KHSRP: variants seen among roughly 807,000 people sequenced by gnomAD.
KHSRP encodes far upstream element-binding protein 2.
A neutral mutation model predicts 94.9 loss-of-function variants in KHSRP; 13 were observed. The observed-to-expected ratio is 0.14, with a 90% CI of 0.09 to 0.22. The LOEUF (loss-of-function observed/expected upper bound fraction) is 0.22. Ranked by LOEUF, KHSRP falls within the 10% of genes least tolerant of loss-of-function variation. The pLI is 1.00. For missense variants in KHSRP, 710 were observed against 1,010.0 expected (o/e 0.70, Z 4.03); for synonymous variants, 495 against 401.4 (o/e 1.23, Z -2.79).
rs376402652 is a variant in KHSRP at position 6,417,999 on chromosome 19, C to A, written c.960G>T (p.Arg320=). 6.8e-5 allele frequency: 110 copies of A among 1,613,992 alleles called. No homozygotes were observed. The African/African-American group carries it at 1.4e-3, about 20-fold the overall frequency. ...GFGDRNEYGS[R]IGGGIDVPVP... ...CACTCACATCGATGCCTCCGCCAAT[C>A]CGAGATCCGTACTCATTCCGGTCCC... Residue 320 remains arginine, a synonymous_variant, in exon 10 of 19, where the codon CGG becomes CGT. Coordinates refer to ENST00000600480, the MANE Select transcript of KHSRP (RefSeq NM_001366299.1).
At chr19:6,423,519 C>CT (rs1287788518) in intron 1 of KHSRP, among the ~76,000 whole-genome samples, 1 of 152,240 alleles carries the variant, frequency 6.6e-6, no homozygotes, top group Admixed American at 6.5e-5. Context: ...ACAGCACCAG[C>CT]TTCCTCCCTT....
At position 6,413,964 on chromosome 19, in the gene KHSRP, T is replaced by TCC. The variant is rs2092120432; in HGVS notation, c.*1058_*1059dup. ...AGTGAGGGCCCGGCATGCCCCCAAGTCCCCCCCACCCTGCTTGCCGCGAGG... is the reference window on the plus strand; with the variant it reads ...AGTGAGGGCCCGGCATGCCCCCAAGTCCCCCCCCCACCCTGCTTGCCGCGAGG... On this transcript the variant is annotated 3_prime_UTR_variant, in exon 19 of 19. Transcript: ENST00000600480. 3 of 771,900 alleles carry TCC rather than the reference T, an allele frequency of 3.9e-6. No individual in the cohort carries two copies. Among genetic ancestry groups the TCC allele is most frequent in the Non-Finnish European group, 5.7e-6 (3 of 523,426 alleles). 47.8% of individuals were successfully genotyped at this position (771,900 alleles called of 1,614,324 possible). A position where few individuals can be genotyped will look rare whatever the true frequency, so the allele number is the denominator to read the frequency against.
In KHSRP at chr19:6,420,412, C is replaced by A. The variant is rs1178266149; in HGVS notation, c.475+10G>T. 1 of 1,613,566 alleles carries A rather than the reference C, an allele frequency of 6.2e-7. No homozygotes were observed. Among genetic ancestry groups the A allele is most frequent in the African/African-American group, 1.3e-5 (1 of 74,938 alleles). ...AGTGGGCCTCCCCACCCAAGGTGAC[C>A]CACACTCACTCAGGCCCACCATGCC... On this transcript the variant is annotated intron_variant, in intron 5 of 18. Transcript: ENST00000600480.
At position 6,417,957 on chromosome 19, in the gene KHSRP, G is replaced by A. The variant is rs752683077; in HGVS notation, c.978+24C>T. On this transcript the variant is annotated intron_variant, in intron 10 of 18. Transcript: ENST00000600480. ...TCCCTCCACTGGCGGGGGAGAGGGG[G>A]GTGAAGGCAGGGCCCACACTCACAT... The A allele has an allele frequency of 8.1e-6, 13 of 1,608,850 alleles. No homozygotes were observed. In the East Asian group the frequency reaches 8.9e-5, roughly 11 times the overall value.
At chr19:6,415,958 C>T in intron 15 of KHSRP, 62 bp from the exon 16 acceptor site, 2 of 1,084,640 alleles carry the variant, frequency 1.8e-6, no homozygotes, top group Non-Finnish European at 2.6e-6. Context: ...GCCGGACCAC[C>T]TGGGGTGGGG....
Position 6,418,537 on chromosome 19 carries a change from C to T in KHSRP, c.825G>A (p.Gln275=), listed in dbSNP as rs2092171716. 1 of 1,614,004 alleles carries T rather than the reference C, an allele frequency of 6.2e-7. No homozygotes were observed. The highest frequency in any genetic ancestry group is 8.5e-7 in the Non-Finnish European group (1 of 1,179,886). ...GGAGAGGTTTGTCCACATTCGTATT[C>T]TGAGATCCGTCCTGAATTAAGATCA... ...VKMILIQDGS[Q]NTNVDKPLRI... is the part of the protein sequence containing the mutation. Residue 275 remains glutamine (Q), a synonymous_variant, in exon 9 of 19, where the codon CAG becomes CAA. Coordinates refer to ENST00000600480, the MANE Select transcript of KHSRP (RefSeq NM_001366299.1). This position sits in a 1 kb window ranked among gnomAD's most constrained non-coding sequence, Gnocchi z 4.3.
Position 6,418,085 on chromosome 19 carries a change from A to C in KHSRP, c.880-6T>G. 1.9e-6 allele frequency: 3 copies of C among 1,613,126 alleles called. No homozygotes were observed. Among genetic ancestry groups the C allele is most frequent in the Non-Finnish European group, 2.5e-6 (3 of 1,179,242 alleles). ...ATCACCATCTCACAGGCTTGCTGCA[A>C]ACACACAGGAAGCAGCCCCCATGGG... On this transcript the variant is annotated splice_region_variant and splice_polypyrimidine_tract_variant and intron_variant, in intron 9 of 18. Transcript: ENST00000600480. The surrounding 1 kb of genome is among the most constrained non-coding windows in gnomAD (Gnocchi z 4.3).
At chr19:6,423,847 G>A (rs1326682966) in intron 1 of KHSRP, among the ~76,000 whole-genome samples, 1 of 152,150 alleles carries the variant, frequency 6.6e-6, no homozygotes, top group Non-Finnish European at 1.5e-5. Flanking sequence ...CACGGGGGTG[G>A]GAGACCCTCC....
chr19:6,422,265 A>C, intron 2 of KHSRP, 75 bp downstream of exon 2: 1 of 974,190 alleles, frequency 1.0e-6, no homozygotes, highest in Admixed American at 1.8e-5. Context: ...CCCCCTCTGA[A>C]CCACACTCAA....
At position 6,414,609 on chromosome 19, in the gene KHSRP, C is replaced by A. The variant is rs1487742341; in HGVS notation, c.*415G>T. ...GGGCAGGGGCCTGGGCCGCTCCCCGCGTCCCCACCAGTCCCTGCCAGAGCC... is the reference window on the plus strand; with the variant it reads ...GGGCAGGGGCCTGGGCCGCTCCCCGAGTCCCCACCAGTCCCTGCCAGAGCC... On this transcript the variant is annotated 3_prime_UTR_variant, in exon 19 of 19. Transcript: ENST00000600480. 9 of 1,009,518 alleles carry A rather than the reference C, an allele frequency of 8.9e-6. No homozygotes were observed. In the South Asian group the frequency reaches 1.3e-4, roughly 15 times the overall value. The allele number at this position is 1,009,518 out of a possible 1,614,324, so 62.5% of individuals were successfully genotyped here.
chr19:6,417,633 G>C, intron 11 of KHSRP, 106 bp downstream of exon 11: 1 of 827,750 alleles, frequency 1.2e-6, no homozygotes, highest in East Asian at 2.6e-5. Context: ...GCCGTGAGGT[G>C]CTATGGAGGC....
chr19:6,416,373 C>A lies in KHSRP; in HGVS notation c.1523G>T (p.Gly508Val), dbSNP rs1435877168. Residue 508 changes from glycine (G) to valine (V), a missense_variant, in exon 15 of 19, where the codon GGC becomes GTC. Physicochemically the swap from Gly to Val is moderately radical, Grantham distance 109. Coordinates refer to ENST00000600480, the MANE Select transcript of KHSRP (RefSeq NM_001366299.1). ...PLCPVGPGPG[G>V]PGPAGPMGPF... ...CCCCATTGGGCCAGCAGGGCCTGGG[C>A]CACCTGGGCCTGGTCCAACTGGGCA... 2.5e-6 allele frequency: 4 copies of A among 1,612,036 alleles called. No individual in the cohort carries two copies. In the Admixed American group the frequency reaches 5.1e-5, roughly 20 times the overall value.
At chr19:6,421,866 G>A (rs1599244846) in intron 2 of KHSRP, among the ~76,000 whole-genome samples, 178 bp from the exon 3 acceptor site, 4 of 152,152 alleles carry the variant, frequency 2.6e-5, no homozygotes, top group South Asian at 2.1e-4. Context: ...CGCCAATTCC[G>A]CCACCAACGC....
chr19:6,413,996 CAG>C lies in KHSRP; in HGVS notation c.*1026_*1027del, dbSNP rs2092120778. 25 of 1,436,624 alleles carry C rather than the reference CAG, an allele frequency of 1.7e-5. No individual in the cohort carries two copies. In the South Asian group the frequency reaches 3.3e-4, roughly 19 times the overall value. 89.0% of individuals were successfully genotyped at this position (1,436,624 alleles called of 1,614,324 possible). ...CACCCTGCTTGCCGCGAGGGCTCCC[CAG>C]TACTCCCCACGGCAGCCATCGCTCT... On this transcript the variant is annotated 3_prime_UTR_variant, in exon 19 of 19. Transcript: ENST00000600480.
intron 3 of KHSRP, 106 bp downstream of exon 3, chr19:6,421,544 G>A: frequency 7.9e-7 from 1 of 1,273,736 alleles, no homozygotes; most frequent in Non-Finnish European, 1.1e-6. Flanking sequence ...GAAGCACCAG[G>A]GGCCTCTGTA....
At chr19:6,424,129 G>T (rs2092214001) in intron 1 of KHSRP, 1 of 151,988 alleles carries the variant, frequency 6.6e-6, no homozygotes, top group South Asian at 2.1e-4. Flanking sequence ...CGGGAAGGTG[G>T]ACCCCTGCCT....
intron 4 of KHSRP, 40 bp downstream of exon 4, chr19:6,421,238 C>CA (rs1403634934): frequency 6.4e-7 from 1 of 1,561,458 alleles, no homozygotes; most frequent in South Asian, 1.2e-5. Flanking sequence ...GTCTGCTGGC[C>CA]AACAGACAAG....
At position 6,424,739 on chromosome 19, in the gene KHSRP, TGAG is replaced by T; in HGVS notation, c.-41_-39del. 1 of 952,872 alleles carries T rather than the reference TGAG, an allele frequency of 1.0e-6. No individual in the cohort carries two copies. The highest frequency in any genetic ancestry group is 1.3e-6 in the Non-Finnish European group (1 of 785,296). 59.0% of individuals were successfully genotyped at this position (952,872 alleles called of 1,614,324 possible). ...CCGGGCCTGGCGCGGAGGCTGAAGC[TGAG>T]GAGGCGGCGGCGGCGGCGGCGGCTC... On this transcript the variant is annotated 5_prime_UTR_variant, in exon 1 of 19. Coordinates refer to ENST00000600480, the MANE Select transcript of KHSRP (RefSeq NM_001366299.1).
chr19:6,419,833 G>A (rs61004889), intron 6 of KHSRP, among the ~76,000 whole-genome samples: 3,316 of 152,278 alleles, frequency 0.022, 129 homozygotes, highest in African/African-American at 0.076. Flanking sequence ...GCCCCTGTGC[G>A]AAATGCTAGC....
Sources: allele counts gnomAD v4.1 joint callset (sites outside exome capture counted in the v4.1 genomes callset), GRCh38; gene constraint gnomAD v4.1.1; non-coding constraint Gnocchi (gnomAD v3.1); transcripts MANE v1.5; gene names NCBI Gene and HGNC (gene_info 2026-07-23, HGNC 2026-07-21).